Variants in DLG2 observed in about 807,000 individuals in gnomAD.
The protein encoded by DLG2 is discs large MAGUK scaffold protein 2.
In DLG2, 45 loss-of-function variants were observed where a neutral mutation model predicts 132.5. The observed-to-expected ratio is 0.34, with a 90% CI of 0.27 to 0.44. DLG2 has a LOEUF of 0.44. Among genes scored for constraint, DLG2 ranks in the 20% least tolerant of loss-of-function variants. DLG2 has a pLI of 1.00. For missense variants in DLG2, 1,045 were observed against 1,196.9 expected, an observed-to-expected ratio of 0.87 and a Z score of 1.87; for synonymous variants, 424 against 419.6, an observed-to-expected ratio of 1.01 and a Z score of -0.13.
intron 6 of DLG2, among the ~76,000 whole-genome samples, chr11:84,580,770 C>G (rs917397347): frequency 4.6e-5 from 7 of 152,202 alleles, no homozygotes; most frequent in Admixed American, 2.6e-4. Context: ...TTACCCTACG[C>G]AAGATAAATC....
At chr11:85,502,128 T>C (rs1206692213) in intron 3 of DLG2, among the ~76,000 whole-genome samples, 1 of 151,780 alleles carries the variant, frequency 6.6e-6, no homozygotes, top group Admixed American at 6.6e-5. Flanking sequence ...GGGACATGGA[T>C]GAAGCTGGAA....
intron 7 of DLG2, among the ~76,000 whole-genome samples, chr11:84,313,243 G>A (rs1490423071): frequency 1.3e-5 from 2 of 151,992 alleles, no homozygotes; most frequent in Non-Finnish European, 2.9e-5. Flanking sequence ...AGCCTCCTGA[G>A]TAGCTGGGAC....
chr11:83,469,666 C>T (rs554352392), intron 24 of DLG2, among the ~76,000 whole-genome samples: 4 of 152,134 alleles, frequency 2.6e-5, no homozygotes, highest in Non-Finnish European at 5.9e-5. Flanking sequence ...TACCTAGAGG[C>T]CATTTCCAAA....
intron 19 of DLG2, among the ~76,000 whole-genome samples, chr11:83,549,665 G>T (rs2096337233): frequency 6.6e-6 from 1 of 152,120 alleles, no homozygotes; most frequent in African/African-American, 2.4e-5. Context: ...GGAGCAGAGA[G>T]ATCTAAACTT....
intron 6 of DLG2, among the ~76,000 whole-genome samples, chr11:84,716,707 C>CAAA (rs397848908): frequency 1.3e-5 from 1 of 78,486 alleles, no homozygotes; most frequent in Non-Finnish European, 2.6e-5. Flanking sequence ...TGGACAGGGG[C>CAAA]AAAAAAAAAA....
chr11:84,400,502 ATT>A (rs931897718), intron 7 of DLG2, among the ~76,000 whole-genome samples: 1 of 152,144 alleles, frequency 6.6e-6, no homozygotes, highest in Non-Finnish European at 1.5e-5. Flanking sequence ...TTCAATGCTA[ATT>A]TGTTTGTCTC....
chr11:85,448,181 GCTTTA>G (rs2092092423), intron 3 of DLG2, among the ~76,000 whole-genome samples: 1 of 152,142 alleles, frequency 6.6e-6, no homozygotes, highest in Non-Finnish European at 1.5e-5. Flanking sequence ...TAATTTTCCT[GCTTTA>G]GCAATCTAAA....
At chr11:84,306,353 C>T (rs1359313299) in intron 7 of DLG2, among the ~76,000 whole-genome samples, 1 of 152,080 alleles carries the variant, frequency 6.6e-6, no homozygotes. Flanking sequence ...TCTCAAATCT[C>T]TTTACTTGCA....
chr11:84,537,657 GT>G (rs768797165), intron 6 of DLG2, among the ~76,000 whole-genome samples: 1 of 152,110 alleles, frequency 6.6e-6, no homozygotes, highest in Non-Finnish European at 1.5e-5. Context: ...TACAACTCTT[GT>G]CATGCTATAT....
At chr11:84,685,982 C>T (rs1400450321) in intron 6 of DLG2, among the ~76,000 whole-genome samples, 2 of 152,206 alleles carry the variant, frequency 1.3e-5, no homozygotes, top group African/African-American at 2.4e-5. Flanking sequence ...CCACCGCGCC[C>T]GGCCTATTTT....
intron 10 of DLG2, among the ~76,000 whole-genome samples, chr11:84,072,643 T>C (rs534547780): frequency 3.3e-5 from 5 of 152,162 alleles, no homozygotes; most frequent in African/African-American, 1.2e-4. Flanking sequence ...GGAGCACAGA[T>C]CAAGTCTTGA....
At chr11:84,907,382 G>A (rs1019832788) in intron 6 of DLG2, among the ~76,000 whole-genome samples, 2 of 152,178 alleles carry the variant, frequency 1.3e-5, no homozygotes, top group African/African-American at 4.8e-5. Flanking sequence ...TGAATAACAA[G>A]AATAGAATAG....
intron 3 of DLG2, among the ~76,000 whole-genome samples, chr11:85,433,043 C>G (rs2091280062): frequency 6.6e-6 from 1 of 152,096 alleles, no homozygotes; most frequent in Non-Finnish European, 1.5e-5. Flanking sequence ...AATTTTTAAC[C>G]CAGAATTTCA....
At chr11:85,431,406 C>A (rs1486056381) in intron 3 of DLG2, among the ~76,000 whole-genome samples, 1 of 152,190 alleles carries the variant, frequency 6.6e-6, no homozygotes, top group Admixed American at 6.5e-5. Flanking sequence ...ACTGTGCAAC[C>A]CATGGATCAG....
At chr11:85,069,789 C>T (rs1328484013) in intron 6 of DLG2, among the ~76,000 whole-genome samples, 1 of 152,084 alleles carries the variant, frequency 6.6e-6, no homozygotes, top group African/African-American at 2.4e-5. Flanking sequence ...TTGACCCAGC[C>T]ATCCCATTAC....
chr11:84,489,859 C>A (rs1314852747), intron 7 of DLG2, among the ~76,000 whole-genome samples: 1 of 150,756 alleles, frequency 6.6e-6, no homozygotes, highest in Non-Finnish European at 1.5e-5. Context: ...ATTATTTTTG[C>A]CGGAGGACTA....
At chr11:83,526,419 C>CA (rs772615973) in intron 21 of DLG2, among the ~76,000 whole-genome samples, 12 of 152,272 alleles carry the variant, frequency 7.9e-5, no homozygotes, top group Non-Finnish European at 1.6e-4. Context: ...CACTTCTGAA[C>CA]ATTCCATTCC....
At chr11:83,856,679 G>T (rs1353299553) in intron 16 of DLG2, among the ~76,000 whole-genome samples, 1 of 152,000 alleles carries the variant, frequency 6.6e-6, no homozygotes, top group Non-Finnish European at 1.5e-5. Context: ...TAATGGGGTT[G>T]TTTGTCTTTT....
intron 17 of DLG2, among the ~76,000 whole-genome samples, chr11:83,792,250 T>C (rs967534282): frequency 1.1e-4 from 16 of 152,214 alleles, no homozygotes; most frequent in African/African-American, 3.9e-4. Flanking sequence ...GGTGAAAGGG[T>C]ATATGCATTA....
Sources: allele counts gnomAD v4.1 joint callset (sites outside exome capture counted in the v4.1 genomes callset), GRCh38; gene constraint gnomAD v4.1.1; transcripts MANE v1.5; gene names NCBI Gene and HGNC (gene_info 2026-07-23, HGNC 2026-07-21).